Variants in C12orf42 observed in about 807,000 individuals in gnomAD.
C12orf42 encodes the protein uncharacterized protein C12orf42.
C12orf42 carries 25 observed loss-of-function variants against 21.6 expected under a neutral mutation model. That is an observed-to-expected ratio of 1.16 (90% CI 0.84 to 1.62). The LOEUF (loss-of-function observed/expected upper bound fraction) is 1.62. C12orf42 is among the 40% of genes most tolerant of loss of function. C12orf42 has a pLI of 0.00. For missense variants in C12orf42, 483 were observed against 459.3 expected, an observed-to-expected ratio of 1.05 and a Z score of -0.47; for synonymous variants, 174 against 175.0, an observed-to-expected ratio of 0.99 and a Z score of 0.05.
At chr12:103,139,477 T>C in the C12orf42 span, among the ~76,000 whole-genome samples, 1 of 152,022 alleles carries the variant, frequency 6.6e-6, no homozygotes, top group African/African-American at 2.4e-5. Flanking sequence ...ACAGACATGA[T>C]TAAAGACAGT....
In C12orf42 at chr12:103,365,556, T is replaced by C. The variant is rs2044523335; in HGVS notation, c.259+3331A>G. Among the ~76,000 whole-genome samples the C allele has an allele frequency of 2.0e-5, 3 of 152,166 alleles. No individual in the cohort carries two copies. In the South Asian group the frequency reaches 6.2e-4, roughly 32 times the overall value. ...AACCTGTTGCTGTTTGCTGATGATA[T>C]GATTGTATACTTAGAAAACCCTAAA... On this transcript the variant is annotated intron_variant, in intron 4 of 5. Coordinates refer to ENST00000548883, the MANE Select transcript of C12orf42 (RefSeq NM_198521.5).
the C12orf42 span, among the ~76,000 whole-genome samples, chr12:103,200,245 A>ACAT: frequency 6.6e-6 from 1 of 152,202 alleles, no homozygotes; most frequent in Admixed American, 6.5e-5. Context: ...GGCAAATACT[A>ACAT]CATGACACCC....
rs1255693429 is a variant in C12orf42 at position 103,368,996 on chromosome 12, G to A, written c.150C>T (p.His50=). The stretch of plus-strand genomic sequence containing the variant: ...CTGAAGTTCTTTCATAACAAGGGAT[G>A]TGCTGTAAGATAGAGGAGAAAAATA... ...LWDRSTPSAK[H]IPCYERTSVP... The change falls in exon 4 of 6, where the codon CAC becomes CAT. Residue 50 remains histidine, a splice_region_variant and synonymous_variant. Transcript: ENST00000548883. 7.0e-6 allele frequency: 11 copies of A among 1,561,870 alleles called. 1 individual carries two copies. The highest frequency in any genetic ancestry group is 9.6e-6 in the Non-Finnish European group (11 of 1,142,750).
chr12:103,404,908 G>A (rs1192413598), intron 2 of C12orf42, among the ~76,000 whole-genome samples: 5 of 152,192 alleles, frequency 3.3e-5, no homozygotes, highest in Admixed American at 6.5e-5. Context: ...GCACACACAC[G>A]CAAGTGCACA....
the C12orf42 span, among the ~76,000 whole-genome samples, chr12:103,520,135 A>G: frequency 2.0e-5 from 3 of 152,178 alleles, no homozygotes; most frequent in Admixed American, 6.5e-5. Context: ...GTGGTCATAG[A>G]AGAGGGAAAG....
the C12orf42 span, among the ~76,000 whole-genome samples, chr12:103,159,071 G>A: frequency 4.6e-5 from 7 of 152,098 alleles, no homozygotes; most frequent in South Asian, 2.1e-4. Context: ...TGGAACTCTC[G>A]ACAGAACTTT....
intron 3 of C12orf42, among the ~76,000 whole-genome samples, chr12:103,391,813 CA>C (rs568857548): frequency 6.6e-6 from 1 of 151,486 alleles, no homozygotes; most frequent in Admixed American, 6.6e-5. Context: ...CTTTGATGCA[CA>C]AAAAAAATTT....
chr12:103,156,903 T>C, the C12orf42 span, among the ~76,000 whole-genome samples: 1 of 152,186 alleles, frequency 6.6e-6, no homozygotes, highest in Non-Finnish European at 1.5e-5. Context: ...GTTCCATGTC[T>C]TTGCTATTGT....
chr12:103,224,505 G>C, the C12orf42 span, among the ~76,000 whole-genome samples: 1 of 152,186 alleles, frequency 6.6e-6, no homozygotes, highest in Non-Finnish European at 1.5e-5. Context: ...AATGTCAGGT[G>C]GATCAGAGAG....
At chr12:103,127,738 A>G in the C12orf42 span, among the ~76,000 whole-genome samples, 2 of 152,234 alleles carry the variant, frequency 1.3e-5, no homozygotes, top group African/African-American at 4.8e-5. Flanking sequence ...CCTACGACAC[A>G]TAATTATCTG....
the C12orf42 span, among the ~76,000 whole-genome samples, chr12:103,093,559 G>T: frequency 6.6e-6 from 1 of 152,156 alleles, no homozygotes; most frequent in African/African-American, 2.4e-5. Context: ...AGGGAAAGGT[G>T]AGAGGAACAA....
At chr12:103,532,386 T>TG in the C12orf42 span, among the ~76,000 whole-genome samples, 7 of 152,236 alleles carry the variant, frequency 4.6e-5, no homozygotes, top group Non-Finnish European at 1.0e-4. Context: ...GTTTTATAAA[T>TG]GGACTTATTT....
chr12:103,509,908 G>GA, the C12orf42 span, among the ~76,000 whole-genome samples: 1 of 152,194 alleles, frequency 6.6e-6, no homozygotes, highest in Admixed American at 6.5e-5. Flanking sequence ...CTGCTGGTGG[G>GA]AATGTAACTA....
chr12:103,174,291 C>T, the C12orf42 span, among the ~76,000 whole-genome samples: 1 of 152,136 alleles, frequency 6.6e-6, no homozygotes, highest in Non-Finnish European at 1.5e-5. Flanking sequence ...ACTAAACATA[C>T]ATGTATATCA....
At chr12:103,552,482 C>A in the C12orf42 span, among the ~76,000 whole-genome samples, 1 of 152,090 alleles carries the variant, frequency 6.6e-6, no homozygotes, top group Non-Finnish European at 1.5e-5. Flanking sequence ...ATAATTAATT[C>A]CTGTAAAATT....
At chr12:103,459,431 G>A (rs1447889380) in intron 2 of C12orf42, among the ~76,000 whole-genome samples, 2 of 151,992 alleles carry the variant, frequency 1.3e-5, no homozygotes, top group Non-Finnish European at 2.9e-5. Flanking sequence ...GTATCCACCG[G>A]AGACCTGGTT....
chr12:103,513,756 T>C, the C12orf42 span, among the ~76,000 whole-genome samples: 1 of 151,944 alleles, frequency 6.6e-6, no homozygotes, highest in Non-Finnish European at 1.5e-5. Context: ...GAACAACAAA[T>C]ACATGCTGGA....
chr12:103,288,127 A>T (rs962563649), intron 4 of C12orf42, among the ~76,000 whole-genome samples: 2 of 152,202 alleles, frequency 1.3e-5, no homozygotes, highest in Non-Finnish European at 2.9e-5. Flanking sequence ...CGGGGAACTG[A>T]TGAGATATTC....
chr12:103,383,458 ATCCCC>A (rs2046347518), intron 3 of C12orf42, among the ~76,000 whole-genome samples: 1 of 152,112 alleles, frequency 6.6e-6, no homozygotes. Context: ...CATTGAAACA[ATCCCC>A]AGCTGTTAAA....
Sources: gnomAD v4.1 joint callset for allele counts (sites outside exome capture counted in the v4.1 genomes callset) on GRCh38, gnomAD v4.1.1 for gene constraint, MANE v1.5 for transcripts, NCBI Gene and HGNC (gene_info 2026-07-23, HGNC 2026-07-21) for gene names.